Variants in CADM2 observed in about 807,000 individuals in gnomAD.
CADM2 encodes the protein immunoglobulin superfamily member 4D.
A neutral mutation model predicts 49.8 loss-of-function variants in CADM2; 12 were observed. The observed-to-expected ratio is 0.24, with a 90% CI of 0.15 to 0.39. The LOEUF (loss-of-function observed/expected upper bound fraction) is 0.39. Ranked by LOEUF, CADM2 falls within the 10% of genes least tolerant of loss-of-function variation. The probability of loss-of-function intolerance (pLI) is 1.00; values close to 1 mark genes in which losing one functional copy is unlikely to be tolerated. For synonymous variants in CADM2, 214 were observed against 175.4 expected (o/e 1.22, Z -1.74); for missense variants, 378 against 492.3 (o/e 0.77, Z 2.20).
At chr3:85,998,352 G>A (rs1340178607) in intron 8 of CADM2, among the ~76,000 whole-genome samples, 2 of 151,856 alleles carry the variant, frequency 1.3e-5, no homozygotes, top group Admixed American at 6.6e-5. Flanking sequence ...TGTCCTCTCT[G>A]GAAACCTCAG....
At chr3:85,806,188 GAGGA>G (rs550860076) in intron 3 of CADM2, among the ~76,000 whole-genome samples, 6 of 145,388 alleles carry the variant, frequency 4.1e-5, no homozygotes, top group African/African-American at 1.2e-4. Context: ...GGGAGGGAGG[GAGGA>G]AGGAAGGAAG....
At chr3:85,788,444 T>A (rs1044860192) in intron 2 of CADM2, among the ~76,000 whole-genome samples, 2 of 152,024 alleles carry the variant, frequency 1.3e-5, no homozygotes, top group African/African-American at 4.8e-5. Context: ...CTATTTTACA[T>A]AAATAACTTT....
In CADM2 at chr3:85,562,490, A is replaced by G. The variant is rs1439670871; in HGVS notation, c.62-164032A>G. ...AGAAACTCCATCTCAAAAAAAAAAA[A>G]AAAAAAAAAAAAAAGACCTAGTTCT... is the stretch of plus-strand genomic sequence containing the variant. On this transcript the variant is annotated intron_variant, in intron 1 of 9. Coordinates refer to ENST00000383699, the MANE Select transcript of CADM2 (RefSeq NM_001167675.2). 6.6e-5 allele frequency among the ~76,000 whole-genome samples: 10 copies of G among 151,094 alleles called. No individual in the cohort carries two copies. In the South Asian group the frequency reaches 2.1e-3, roughly 31 times the overall value.
At chr3:85,476,897 AACACACACACACAC>A (rs35319709) in intron 1 of CADM2, among the ~76,000 whole-genome samples, 92 of 146,016 alleles carry the variant, frequency 6.3e-4, no homozygotes, top group Middle Eastern at 3.5e-3. Context: ...AAAGATTTTA[AACACACACACACAC>A]ACACACACAC....
chr3:84,987,199 C>A (rs901607145), intron 1 of CADM2, among the ~76,000 whole-genome samples: 1 of 151,756 alleles, frequency 6.6e-6, no homozygotes, highest in Non-Finnish European at 1.5e-5. Flanking sequence ...GGCTGGAGTG[C>A]AGTGGCGCGA....
intron 1 of CADM2, among the ~76,000 whole-genome samples, chr3:85,580,477 A>G (rs944987317): frequency 5.3e-5 from 8 of 152,150 alleles, no homozygotes; most frequent in Admixed American, 4.6e-4. Context: ...AACTAACCCA[A>G]CGGTATTGGA....
chr3:86,047,464 A>T (rs967274881), intron 8 of CADM2, among the ~76,000 whole-genome samples: 2 of 152,186 alleles, frequency 1.3e-5, no homozygotes, highest in Non-Finnish European at 2.9e-5. Context: ...TCTCCAGAGA[A>T]GTCAGGAAAT....
chr3:85,003,106 A>T (rs1559611694), intron 1 of CADM2, among the ~76,000 whole-genome samples: 1 of 152,104 alleles, frequency 6.6e-6, no homozygotes, highest in Non-Finnish European at 1.5e-5. Flanking sequence ...GTATCCTTTG[A>T]GAATCTCCAT....
intron 1 of CADM2, among the ~76,000 whole-genome samples, chr3:85,452,621 TC>T (rs2037802941): frequency 6.6e-6 from 1 of 152,130 alleles, no homozygotes; most frequent in Non-Finnish European, 1.5e-5. Flanking sequence ...CAGTCTTTGT[TC>T]TTTGAAAGAG....
chr3:85,687,690 G>A (rs540924583), intron 1 of CADM2, among the ~76,000 whole-genome samples: 6 of 152,208 alleles, frequency 3.9e-5, no homozygotes, highest in Non-Finnish European at 5.9e-5. Flanking sequence ...TCAGTGTGTC[G>A]ATATGCAAAC....
chr3:85,604,656 A>C (rs962463010), intron 1 of CADM2, among the ~76,000 whole-genome samples: 2 of 151,980 alleles, frequency 1.3e-5, no homozygotes, highest in African/African-American at 4.8e-5. Context: ...TCAATCTCAT[A>C]TCATAGCAAA....
At chr3:86,011,192 A>G (rs1731461631) in intron 8 of CADM2, among the ~76,000 whole-genome samples, 1 of 152,214 alleles carries the variant, frequency 6.6e-6, no homozygotes, top group African/African-American at 2.4e-5. Flanking sequence ...AATTTTACTG[A>G]AATATTAATC....
chr3:85,817,892 T>A (rs2073314310), intron 3 of CADM2, among the ~76,000 whole-genome samples: 1 of 152,042 alleles, frequency 6.6e-6, no homozygotes, highest in South Asian at 2.1e-4. Flanking sequence ...TCTCGGTGTG[T>A]AGGCTGAAAC....
At chr3:85,959,903 C>A (rs543517891) in intron 7 of CADM2, among the ~76,000 whole-genome samples, 3 of 151,854 alleles carry the variant, frequency 2.0e-5, no homozygotes, top group Non-Finnish European at 4.4e-5. Flanking sequence ...TAACACATTT[C>A]TCAGGCTATA....
At chr3:85,027,614 G>T (rs917510358) in intron 1 of CADM2, among the ~76,000 whole-genome samples, 2 of 151,820 alleles carry the variant, frequency 1.3e-5, no homozygotes, top group African/African-American at 4.8e-5. Context: ...TTCATATAAA[G>T]ATTCATTTAT....
chr3:85,034,261 C>T (rs1362384568), intron 1 of CADM2, among the ~76,000 whole-genome samples: 1 of 151,750 alleles, frequency 6.6e-6, no homozygotes, highest in African/African-American at 2.4e-5. Context: ...TTAATTGTAC[C>T]CATTCCCCCT....
At chr3:85,059,985 G>A (rs972948049) in intron 1 of CADM2, among the ~76,000 whole-genome samples, 13 of 152,184 alleles carry the variant, frequency 8.5e-5, no homozygotes, top group African/African-American at 3.1e-4. Flanking sequence ...ATAAAAGTCA[G>A]TTCTTTGCCT....
At chr3:86,050,994 C>T (rs570846125) in intron 8 of CADM2, among the ~76,000 whole-genome samples, 20 of 152,276 alleles carry the variant, frequency 1.3e-4, no homozygotes, top group African/African-American at 4.6e-4. Context: ...TAATTCCTCA[C>T]CTAAAAATGG....
intron 1 of CADM2, among the ~76,000 whole-genome samples, chr3:85,020,308 G>C (rs1246623428): frequency 6.6e-6 from 1 of 152,064 alleles, no homozygotes; most frequent in Non-Finnish European, 1.5e-5. Context: ...ACAGACATTT[G>C]CTTTAGGATT....
Sources: gnomAD v4.1 joint callset for allele counts (sites outside exome capture counted in the v4.1 genomes callset) on GRCh38, gnomAD v4.1.1 for gene constraint, MANE v1.5 for transcripts, NCBI Gene and HGNC (gene_info 2026-07-23, HGNC 2026-07-21) for gene names.